Variants in TCF12 observed in about 807,000 individuals in gnomAD.
TCF12 encodes the protein DNA-binding protein HTF4.
In TCF12, 45 loss-of-function variants were observed where a neutral mutation model predicts 86.0. The observed-to-expected ratio is 0.52, with a 90% CI of 0.41 to 0.67. TCF12 has a LOEUF of 0.67. Ranked by LOEUF, TCF12 falls within the 30% of genes least tolerant of loss-of-function variation. The pLI is 0.00. For synonymous variants in TCF12, 330 were observed against 299.6 expected, an observed-to-expected ratio of 1.10 and a Z score of -1.05; for missense variants, 881 against 859.9, an observed-to-expected ratio of 1.02 and a Z score of -0.31.
In TCF12 at chr15:56,951,359, T is replaced by C. The variant is rs373864954; in HGVS notation, c.148+30261T>C. On this transcript the variant is annotated intron_variant, in intron 3 of 20. Coordinates refer to ENST00000333725, the MANE Select transcript of TCF12 (RefSeq NM_207037.2). ...ATCTTTTATCTTGTTTGCTGAAATA[T>C]CTTCATATCTGTTGTCAATTTTAAA... Among the ~76,000 whole-genome samples, 10 of 152,364 alleles carry C rather than the reference T, an allele frequency of 6.6e-5. No individual in the cohort carries two copies. In the East Asian group the frequency reaches 1.5e-3, roughly 23 times the overall value.
intron 5 of TCF12, among the ~76,000 whole-genome samples, chr15:57,103,204 C>T (rs143012331): frequency 2.8e-4 from 42 of 152,288 alleles, no homozygotes; most frequent in African/African-American, 9.4e-4. Flanking sequence ...AATAAAAATA[C>T]AGCATTTTCT....
chr15:57,113,329 C>G (rs1263222263), intron 5 of TCF12, among the ~76,000 whole-genome samples: 2 of 152,194 alleles, frequency 1.3e-5, no homozygotes, highest in Non-Finnish European at 2.9e-5. Flanking sequence ...ATGATCTGTG[C>G]AGCTCGCTGA....
chr15:57,256,821 C>T (rs2615228), intron 16 of TCF12, among the ~76,000 whole-genome samples: 31,614 of 152,042 alleles, frequency 0.21, 3,539 homozygotes, highest in Non-Finnish European at 0.25. Context: ...TTCTGATAAA[C>T]GTAGATATTT....
Position 57,025,655 on chromosome 15 carries a change from G to A in TCF12, c.149-38095G>A, listed in dbSNP as rs574501194. The stretch of plus-strand genomic sequence containing the variant: ...GCGCCTGGTCTCCAGATGCAGAGAA[G>A]TTGTGTTGAAAGAATTTGTATGATA... On this transcript the variant is annotated intron_variant, in intron 3 of 20. Transcript: ENST00000333725. Among the ~76,000 whole-genome samples, 152 of 152,242 alleles carry A rather than the reference G, an allele frequency of 1.0e-3. 1 individual carries two copies. The highest frequency in any genetic ancestry group is 7.6e-4 in the Non-Finnish European group (52 of 68,008).
At chr15:56,986,200 G>T (rs1460873908) in intron 3 of TCF12, among the ~76,000 whole-genome samples, 1 of 152,036 alleles carries the variant, frequency 6.6e-6, no homozygotes, top group Non-Finnish European at 1.5e-5. Context: ...GTCTGTGTTG[G>T]TTACAGAAAG....
chr15:56,941,010 C>T (rs1353037169), intron 3 of TCF12, among the ~76,000 whole-genome samples: 1 of 150,820 alleles, frequency 6.6e-6, no homozygotes, highest in Non-Finnish European at 1.5e-5. Context: ...GTCTTCTCAC[C>T]TCAGCCTCCC....
At chr15:56,940,832 T>G (rs1383443281) in intron 3 of TCF12, among the ~76,000 whole-genome samples, 2 of 149,828 alleles carry the variant, frequency 1.3e-5, no homozygotes, top group Non-Finnish European at 3.0e-5. Flanking sequence ...CATAGCCTAC[T>G]GCATCCTTGA....
At chr15:57,213,810 CTT>C (rs1286999926) in intron 8 of TCF12, among the ~76,000 whole-genome samples, 1 of 152,150 alleles carries the variant, frequency 6.6e-6, no homozygotes, top group Non-Finnish European at 1.5e-5. Context: ...TGAATGATAG[CTT>C]TGTTTGCCTA....
At chr15:57,171,370 A>G (rs771966227) in intron 6 of TCF12, among the ~76,000 whole-genome samples, 13 of 152,132 alleles carry the variant, frequency 8.5e-5, no homozygotes, top group Non-Finnish European at 1.6e-4. Context: ...TATTTATTAT[A>G]ATGAGTCAGA....
intron 3 of TCF12, among the ~76,000 whole-genome samples, chr15:57,040,734 A>G (rs2066843120): frequency 1.3e-5 from 2 of 152,218 alleles, no homozygotes; most frequent in African/African-American, 2.4e-5. Context: ...GCCAATATAA[A>G]TAGTTCTTTT....
At chr15:57,103,628 C>T (rs1397369625) in intron 5 of TCF12, among the ~76,000 whole-genome samples, 3 of 152,084 alleles carry the variant, frequency 2.0e-5, no homozygotes, top group South Asian at 2.1e-4. Context: ...TGAAAATACA[C>T]GTAAAGATGT....
intron 3 of TCF12, among the ~76,000 whole-genome samples, chr15:56,970,520 G>A (rs965334290): frequency 1.4e-5 from 2 of 147,322 alleles, no homozygotes; most frequent in African/African-American, 5.0e-5. Flanking sequence ...ACTATCTTTG[G>A]CCCATTAAAT....
At chr15:56,948,981 A>C (rs1469423865) in intron 3 of TCF12, among the ~76,000 whole-genome samples, 2 of 152,242 alleles carry the variant, frequency 1.3e-5, no homozygotes, top group Non-Finnish European at 2.9e-5. Flanking sequence ...GATTCCAGGC[A>C]GATTTTTTTG....
At chr15:57,087,431 A>ATG (rs1157092913) in intron 4 of TCF12, among the ~76,000 whole-genome samples, 4 of 144,614 alleles carry the variant, frequency 2.8e-5, no homozygotes, top group African/African-American at 7.7e-5. Context: ...AAAAAAATTT[A>ATG]TATATATATA....
chr15:57,180,847 C>T (rs1317303293), intron 6 of TCF12, among the ~76,000 whole-genome samples: 1 of 111,966 alleles, frequency 8.9e-6, no homozygotes, highest in Non-Finnish European at 1.6e-5. Context: ...TGGAGTCTCG[C>T]TCTGTCGCCC....
intron 12 of TCF12, among the ~76,000 whole-genome samples, chr15:57,241,405 A>T (rs1055006173): frequency 1.3e-5 from 2 of 152,038 alleles, no homozygotes; most frequent in Admixed American, 6.6e-5. Flanking sequence ...TATTGATCTT[A>T]TACTACCTCT....
chr15:57,050,456 T>A (rs1480220772), intron 3 of TCF12, among the ~76,000 whole-genome samples: 1 of 152,162 alleles, frequency 6.6e-6, no homozygotes, highest in African/African-American at 2.4e-5. Context: ...TTATCTTTTT[T>A]CTCTCTGGTG....
intron 5 of TCF12, among the ~76,000 whole-genome samples, chr15:57,137,020 C>G (rs558298158): frequency 8.9e-4 from 110 of 123,482 alleles, no homozygotes; most frequent in Non-Finnish European, 1.5e-3. Flanking sequence ...CACTCTGTCA[C>G]CCAGGCTGGA....
At chr15:57,122,785 A>C (rs1178490694) in intron 5 of TCF12, among the ~76,000 whole-genome samples, 2 of 152,224 alleles carry the variant, frequency 1.3e-5, no homozygotes, top group African/African-American at 4.8e-5. Context: ...TGTATTCACT[A>C]GATCTCTTAC....
Sources: gnomAD v4.1 joint callset for allele counts (sites outside exome capture counted in the v4.1 genomes callset) on GRCh38, gnomAD v4.1.1 for gene constraint, MANE v1.5 for transcripts, NCBI Gene and HGNC (gene_info 2026-07-23, HGNC 2026-07-21) for gene names.